Variants in SIPA1L1 observed in about 807,000 individuals in gnomAD.
SIPA1L1 encodes the protein signal induced proliferation associated 1 like 1, also known as signal-induced proliferation-associated 1-like protein 1.
A neutral mutation model predicts 162.7 loss-of-function variants in SIPA1L1; 26 were observed. The ratio of observed to expected loss-of-function variants is 0.16; its 90% confidence interval spans 0.12 to 0.22. The LOEUF (loss-of-function observed/expected upper bound fraction) is 0.22, where lower values mean the gene tolerates loss of function less well. Among genes scored for constraint, SIPA1L1 ranks in the 10% least tolerant of loss-of-function variants. SIPA1L1 has a pLI of 1.00. For synonymous variants in SIPA1L1, 829 were observed against 837.4 expected (o/e 0.99, Z 0.17); for missense variants, 1,874 against 2,241.0 (o/e 0.84, Z 3.31).
chr14:71,467,565 A>T (rs1005367066), intron 2 of SIPA1L1, among the ~76,000 whole-genome samples: 1 of 152,176 alleles, frequency 6.6e-6, no homozygotes, highest in Non-Finnish European at 1.5e-5. Context: ...TGTGGTTTGC[A>T]TTGTGCCCAG....
intron 4 of SIPA1L1, among the ~76,000 whole-genome samples, chr14:71,544,217 G>C (rs11158908): frequency 2.0e-5 from 3 of 151,058 alleles, no homozygotes; most frequent in Non-Finnish European, 3.0e-5. Context: ...ACATGCATGT[G>C]TATATACATA....
chr14:71,569,826 G>T (rs2031592201), intron 4 of SIPA1L1, among the ~76,000 whole-genome samples: 1 of 152,200 alleles, frequency 6.6e-6, no homozygotes, highest in Non-Finnish European at 1.5e-5. Context: ...TCAGTGTGCA[G>T]CATTGGCACT....
intron 2 of SIPA1L1, among the ~76,000 whole-genome samples, chr14:71,465,081 GGAGATGGGGAAGCT>G (rs1034520277): frequency 1.4e-4 from 21 of 152,198 alleles, no homozygotes; most frequent in Non-Finnish European, 2.6e-4. Context: ...TGCCGCTACT[GGAGATGGGGAAGCT>G]GTTGCTTCTG....
rs565618259 is a variant in SIPA1L1 at position 71,445,808 on chromosome 14, T to C, written c.-464-66935T>C. ...TTAGATATTAGGTAACTTAACAGAATTGTTAATTGAAACCACATTGTTATG... is the reference window on the plus strand; with the variant it reads ...TTAGATATTAGGTAACTTAACAGAACTGTTAATTGAAACCACATTGTTATG... On this transcript the variant is annotated intron_variant, in intron 2 of 23. Coordinates refer to ENST00000381232, the MANE Select transcript of SIPA1L1 (RefSeq NM_001386936.1). Among the ~76,000 whole-genome samples, 9 of 152,304 alleles carry C rather than the reference T, an allele frequency of 5.9e-5. No homozygotes were observed. In the South Asian group the frequency reaches 1.7e-3, roughly 28 times the overall value.
rs201822830 is a variant in SIPA1L1, at chr14:71,658,459, G to A, written c.2097+23G>A. On this transcript the variant is annotated intron_variant, in intron 9 of 23. Transcript: ENST00000381232. ...CAGGTAAGAGATCCTCCTGTTATCT[G>A]TGTTTTCACCCTTGTTTCATTTCCT... The A allele has an allele frequency of 9.4e-4, 1,316 of 1,400,294 alleles. 3 individuals are homozygous for A. The highest frequency in any genetic ancestry group is 9.9e-4 in the Non-Finnish European group (976 of 985,480). 86.7% of individuals were successfully genotyped at this position (1,400,294 alleles called of 1,614,324 possible).
At chr14:71,558,430 A>T (rs1168195415) in intron 4 of SIPA1L1, among the ~76,000 whole-genome samples, 1 of 152,172 alleles carries the variant, frequency 6.6e-6, no homozygotes, top group South Asian at 2.1e-4. Context: ...GTAGGAAACT[A>T]CAGACAGTGG....
At chr14:71,479,340 T>G (rs368842559) in intron 2 of SIPA1L1, among the ~76,000 whole-genome samples, 9 of 146,314 alleles carry the variant, frequency 6.2e-5, no homozygotes, top group Non-Finnish European at 7.4e-5. Context: ...TATGTAGGTA[T>G]GTATGTATGT....
At chr14:71,460,648 A>AC (rs1381275365) in intron 2 of SIPA1L1, among the ~76,000 whole-genome samples, 1 of 151,968 alleles carries the variant, frequency 6.6e-6, no homozygotes, top group Non-Finnish European at 1.5e-5. Flanking sequence ...TGGCACTAAG[A>AC]CCCCTGTGCC....
chr14:71,568,700 C>T (rs2031297465), intron 4 of SIPA1L1, among the ~76,000 whole-genome samples: 1 of 152,124 alleles, frequency 6.6e-6, no homozygotes, highest in South Asian at 2.1e-4. Context: ...AAGCCAAATC[C>T]TGATAATAAT....
At chr14:71,552,395 CTTT>C (rs1018604407) in intron 4 of SIPA1L1, among the ~76,000 whole-genome samples, 2 of 142,088 alleles carry the variant, frequency 1.4e-5, no homozygotes, top group African/African-American at 2.6e-5. Flanking sequence ...TACCCTATTT[CTTT>C]TTTTTTTTTT....
At chr14:71,428,567 A>G (rs937816767) in intron 2 of SIPA1L1, among the ~76,000 whole-genome samples, 1 of 151,906 alleles carries the variant, frequency 6.6e-6, no homozygotes, top group Admixed American at 6.6e-5. Context: ...CTAGTCTTTA[A>G]TGTCTGGCCC....
intron 2 of SIPA1L1, among the ~76,000 whole-genome samples, chr14:71,462,023 A>G (rs576850652): frequency 2.0e-5 from 3 of 152,304 alleles, no homozygotes; most frequent in East Asian, 3.9e-4. Context: ...CTCGAGCGCA[A>G]TCACGTATAT....
rs1340408438 is a variant in SIPA1L1 at position 71,448,142 on chromosome 14, GGC to G, written c.-464-64600_-464-64599del. ...TGAAGGAACTTGTCTAATGCCCCTT[GGC>G]TATTACATGGCAGCTGCCATTCTTC... On this transcript the variant is annotated intron_variant, in intron 2 of 23. Transcript: ENST00000381232. Among the ~76,000 whole-genome samples the G allele has an allele frequency of 5.3e-5, 8 of 152,250 alleles. No individual in the cohort carries two copies. The East Asian group carries it at 1.5e-3, about 29-fold the overall frequency.
At chr14:71,597,400 G>A (rs927205593) in intron 5 of SIPA1L1, among the ~76,000 whole-genome samples, 3 of 151,904 alleles carry the variant, frequency 2.0e-5, no homozygotes, top group African/African-American at 7.3e-5. Context: ...CTTCCTGTTT[G>A]TATATTTTAC....
intron 15 of SIPA1L1, 141 bp from the exon 16 acceptor site, chr14:71,705,081 G>T: frequency 1.5e-6 from 1 of 682,248 alleles, no homozygotes. Context: ...CTATCAAATA[G>T]ACTCTTAACA....
At chr14:71,587,010 C>T (rs1022198341) in intron 4 of SIPA1L1, 2 of 151,910 alleles carry the variant, frequency 1.3e-5, no homozygotes, top group African/African-American at 4.8e-5. Flanking sequence ...TTTATTTTTT[C>T]CTGCTGTATT....
intron 2 of SIPA1L1, among the ~76,000 whole-genome samples, chr14:71,407,283 T>C (rs983571666): frequency 1.3e-5 from 2 of 152,254 alleles, no homozygotes; most frequent in African/African-American, 4.8e-5. Flanking sequence ...TGATTTTGCT[T>C]CTCACCTGCT....
chr14:71,404,435 T>G (rs1595267041), intron 2 of SIPA1L1, among the ~76,000 whole-genome samples: 5 of 152,114 alleles, frequency 3.3e-5, no homozygotes. Flanking sequence ...TCCCAGCTAC[T>G]CAGGAGGCTG....
intron 5 of SIPA1L1, among the ~76,000 whole-genome samples, chr14:71,593,617 C>G (rs1289571795): frequency 6.6e-6 from 1 of 152,154 alleles, no homozygotes; most frequent in Non-Finnish European, 1.5e-5. Flanking sequence ...TCCTGCATAG[C>G]TTGTTGAGGA....
Sources: allele counts gnomAD v4.1 joint callset (sites outside exome capture counted in the v4.1 genomes callset), GRCh38; gene constraint gnomAD v4.1.1; transcripts MANE v1.5; gene names NCBI Gene and HGNC (gene_info 2026-07-23, HGNC 2026-07-21).